The following NAV3 variants were observed in gnomAD, a reference collection of about 807,000 sequenced individuals.
NAV3 encodes neuron navigator 3, also known as pore membrane and/or filament interacting like protein 1.
Under a neutral mutation model 244.7 loss-of-function variants are expected in NAV3, and 87 were observed. The ratio of observed to expected loss-of-function variants is 0.36; its 90% CI spans 0.30 to 0.42. NAV3 has a LOEUF of 0.42. Ranked by LOEUF, NAV3 falls within the 20% of genes least tolerant of loss-of-function variation. The pLI is 1.00. For synonymous variants in NAV3, 1,126 were observed against 1,042.2 expected (o/e 1.08, Z -1.55); for missense variants, 2,663 against 2,893.3 (o/e 0.92, Z 1.83).
At chr12:77,778,227 CCTTT>C (rs1870475780) in intron 2 of NAV3, among the ~76,000 whole-genome samples, 1 of 142,070 alleles carries the variant, frequency 7.0e-6, no homozygotes, top group Non-Finnish European at 1.5e-5. Context: ...CCTCTCCTCT[CCTTT>C]CTTCTTTCCT....
rs75104193 is a variant in NAV3, at chr12:78,190,871, G to T, written c.6291+652G>T. ...CGTAGCCTGTACTTTCTTATTTTCT[G>T]AGTAAAACAAAAAATCCTAAAAAGG... On this transcript the variant is annotated intron_variant, in intron 34 of 39. Coordinates refer to ENST00000397909, the MANE Select transcript of NAV3 (RefSeq NM_001024383.2). 9.2e-3 allele frequency among the ~76,000 whole-genome samples: 1,400 copies of T among 152,160 alleles called. 63 individuals carry two copies. The East Asian group carries it at 0.1, about 11-fold the overall frequency.
At chr12:78,040,671 T>G (rs963656707) in intron 9 of NAV3, among the ~76,000 whole-genome samples, 1 of 152,144 alleles carries the variant, frequency 6.6e-6, no homozygotes, top group African/African-American at 2.4e-5. Context: ...GAACATGTAA[T>G]GATGCGTTCT....
intron 2 of NAV3, among the ~76,000 whole-genome samples, chr12:77,722,097 A>G (rs1381391196): frequency 1.3e-5 from 2 of 151,142 alleles, no homozygotes; most frequent in African/African-American, 4.8e-5. Flanking sequence ...GTTTAAACTG[A>G]AAAAAGCAAC....
intron 5 of NAV3, among the ~76,000 whole-genome samples, chr12:77,971,838 T>C (rs1271462445): frequency 6.6e-6 from 1 of 152,196 alleles, no homozygotes; most frequent in Non-Finnish European, 1.5e-5. Context: ...GGGCACATTG[T>C]TTCAGTTCAG....
intron 1 of NAV3, among the ~76,000 whole-genome samples, chr12:77,907,871 G>T (rs927084862): frequency 6.6e-6 from 1 of 152,038 alleles, no homozygotes; most frequent in Non-Finnish European, 1.5e-5. Context: ...ACTATTTCTT[G>T]TCTACATAAC....
At chr12:78,040,807 G>T (rs1268325926) in intron 9 of NAV3, among the ~76,000 whole-genome samples, 1 of 152,108 alleles carries the variant, frequency 6.6e-6, no homozygotes, top group African/African-American at 2.4e-5. Flanking sequence ...ATAACTGTAT[G>T]AAATCTTTCA....
At chr12:78,036,738 T>A in intron 9 of NAV3, 1 of 591,022 alleles carries the variant, frequency 1.7e-6, no homozygotes, top group Non-Finnish European at 3.0e-6. Flanking sequence ...GAATCTTCTG[T>A]GAATGTGTGA....
At chr12:77,728,793 G>T (rs763438702) in intron 2 of NAV3, among the ~76,000 whole-genome samples, 18 of 151,714 alleles carry the variant, frequency 1.2e-4, no homozygotes, top group Admixed American at 2.0e-4. Flanking sequence ...CTTATACCTA[G>T]ATCTTTTTCA....
chr12:77,886,916 G>T (rs1329500354), intron 1 of NAV3, among the ~76,000 whole-genome samples: 3 of 152,080 alleles, frequency 2.0e-5, no homozygotes, highest in African/African-American at 7.2e-5. Context: ...ATTTAATGTA[G>T]TGTGGATTCC....
rs75700620 is a variant in NAV3 at position 77,678,138 on chromosome 12, A to G, written c.72+105872A>G. On this transcript the variant is annotated intron_variant, in intron 2 of 8. Coordinates refer to the NAV3 transcript ENST00000550042. ...AGATTTATAAATAAATGAAGTACAC[A>G]CAAATTCCACTAAGTAAAACCAGAT... Among the ~76,000 whole-genome samples, 1,410 of 152,316 alleles carry G rather than the reference A, an allele frequency of 9.3e-3. 30 individuals are homozygous for G. Among genetic ancestry groups the G allele is most frequent in the African/African-American group, 0.032 (1,344 of 41,576 alleles).
At position 78,035,802 on chromosome 12, in the gene NAV3, G is replaced by T. The variant is rs142931809; in HGVS notation, c.2023+13940G>T. Among the ~76,000 whole-genome samples, 964 of 152,184 alleles carry T rather than the reference G, an allele frequency of 6.3e-3. 17 individuals carry two copies. Among genetic ancestry groups the T allele is most frequent in the African/African-American group, 0.022 (926 of 41,528 alleles). ...GGATTTTAGGATTCAAAATAAGAAG[G>T]CTTTGACTTTGTTCTTTAAAAGATT... On this transcript the variant is annotated intron_variant, in intron 9 of 39. Transcript: ENST00000397909.
intron 12 of NAV3, among the ~76,000 whole-genome samples, chr12:78,082,335 T>A (rs1953400238): frequency 6.6e-6 from 1 of 152,248 alleles, no homozygotes; most frequent in Admixed American, 6.5e-5. Context: ...ATATGCATTA[T>A]ATTTTCAAAT....
chr12:78,062,470 G>A (rs1000942831), intron 12 of NAV3, among the ~76,000 whole-genome samples: 9 of 152,078 alleles, frequency 5.9e-5, no homozygotes, highest in African/African-American at 2.2e-4. Context: ...TCTGTTCTTA[G>A]AGAGTAATGA....
chr12:77,594,030 C>T (rs1289455929), intron 2 of NAV3, among the ~76,000 whole-genome samples: 5 of 152,084 alleles, frequency 3.3e-5, no homozygotes. Flanking sequence ...TTCTCATTTT[C>T]GCAGGTCTAC....
intron 2 of NAV3, among the ~76,000 whole-genome samples, chr12:77,603,795 C>G (rs1870547246): frequency 6.6e-6 from 1 of 151,958 alleles, no homozygotes; most frequent in Non-Finnish European, 1.5e-5. Flanking sequence ...TCCTTTCCTT[C>G]CTTTAAATAT....
intron 2 of NAV3, among the ~76,000 whole-genome samples, chr12:77,736,297 G>A (rs988270221): frequency 6.6e-6 from 1 of 152,186 alleles, no homozygotes; most frequent in African/African-American, 2.4e-5. Flanking sequence ...GGAGCCAGAA[G>A]CAAACTGTTT....
intron 5 of NAV3, among the ~76,000 whole-genome samples, chr12:77,987,624 T>C (rs12315993): frequency 0.012 from 1,873 of 152,038 alleles, 36 homozygotes; most frequent in African/African-American, 0.043. Flanking sequence ...ACTGAACACA[T>C]ACCAGCCCCA....
intron 3 of NAV3, among the ~76,000 whole-genome samples, chr12:77,963,485 G>A (rs544337106): frequency 3.8e-4 from 58 of 152,060 alleles, no homozygotes; most frequent in Non-Finnish European, 6.8e-4. Flanking sequence ...GAATTAAGTG[G>A]GGAAAAGGTA....
At chr12:77,921,675 G>T (rs1377808466) in intron 1 of NAV3, among the ~76,000 whole-genome samples, 1 of 152,076 alleles carries the variant, frequency 6.6e-6, no homozygotes, top group Non-Finnish European at 1.5e-5. Flanking sequence ...AAATGATAGG[G>T]TTAAAATGAT....
Sources: gnomAD v4.1 joint callset for allele counts (sites outside exome capture counted in the v4.1 genomes callset) on GRCh38, gnomAD v4.1.1 for gene constraint, MANE v1.5 for transcripts, NCBI Gene and HGNC (gene_info 2026-07-23, HGNC 2026-07-21) for gene names.